Variants in LMBR1 observed in about 807,000 individuals in gnomAD.
LMBR1 encodes limb region 1 protein homolog.
A neutral mutation model predicts 73.9 loss-of-function variants in LMBR1; 52 were observed. That is an observed-to-expected ratio of 0.70 (90% CI 0.56 to 0.89). The LOEUF is 0.89. Among genes scored for constraint, LMBR1 ranks in the 40% least tolerant of loss-of-function variants. The pLI, the probability that LMBR1 is intolerant of heterozygous loss-of-function variation, is 0.00. For missense variants in LMBR1, 539 were observed against 579.8 expected (o/e 0.93, Z 0.72); for synonymous variants, 215 against 209.4 (o/e 1.03, Z -0.23).
intron 15 of LMBR1, among the ~76,000 whole-genome samples, chr7:156,690,526 C>T (rs1042622749): frequency 1.7e-4 from 26 of 152,118 alleles, no homozygotes; most frequent in Non-Finnish European, 4.4e-5. Flanking sequence ...TTTTGCAAAA[C>T]GGGAAAGTGC....
At chr7:156,868,768 C>A (rs1798845650) in intron 1 of LMBR1, among the ~76,000 whole-genome samples, 1 of 151,986 alleles carries the variant, frequency 6.6e-6, no homozygotes, top group Non-Finnish European at 1.5e-5. Context: ...GAGTTCAAGA[C>A]CAGCCTGGGC....
intron 1 of LMBR1, among the ~76,000 whole-genome samples, chr7:156,856,868 A>C (rs1311501691): frequency 1.3e-5 from 2 of 152,224 alleles, no homozygotes; most frequent in African/African-American, 2.4e-5. Flanking sequence ...AGTGAAATGA[A>C]TGACAGCAAG....
intron 1 of LMBR1, among the ~76,000 whole-genome samples, chr7:156,888,195 G>A (rs1802253314): frequency 6.6e-6 from 1 of 152,026 alleles, no homozygotes; most frequent in Non-Finnish European, 1.5e-5. Context: ...CGAATCACGA[G>A]GTCAGGAGAT....
chr7:156,762,179 A>C lies in LMBR1; in HGVS notation c.639T>G (p.Leu213=), dbSNP rs745945170. 1.2e-4 allele frequency: 186 copies of C among 1,611,212 alleles called. 2 individuals carry two copies. Among genetic ancestry groups the C allele is most frequent in the Non-Finnish European group, 8.0e-5 (94 of 1,177,598 alleles). The part of the protein sequence containing the change: ...LLLLLCTPVG[L]SRMFTVMGQL... ...GACCCATCACTGTGAACATACGAGAAAGGCCAACTGGTGTACACACTGCAG... is the reference window on the plus strand; with the variant it reads ...GACCCATCACTGTGAACATACGAGACAGGCCAACTGGTGTACACACTGCAG... Residue 213 remains leucine (L), a synonymous_variant, in exon 8 of 17, where the codon CTT becomes CTG. Transcript: ENST00000353442.
intron 15 of LMBR1, among the ~76,000 whole-genome samples, chr7:156,721,154 T>A (rs756346035): frequency 4.6e-5 from 7 of 152,088 alleles, no homozygotes; most frequent in Admixed American, 2.0e-4. Context: ...ACAAATTGTA[T>A]TTGGACACTA....
chr7:156,727,707 G>A (rs1336244752), intron 12 of LMBR1, among the ~76,000 whole-genome samples: 1 of 151,800 alleles, frequency 6.6e-6, no homozygotes, highest in Non-Finnish European at 1.5e-5. Flanking sequence ...AATCTAAAAG[G>A]AAATTCCAAC....
chr7:156,692,856 G>A (rs1053147443), intron 15 of LMBR1, among the ~76,000 whole-genome samples: 6 of 152,242 alleles, frequency 3.9e-5, no homozygotes, highest in Middle Eastern at 3.4e-3. Flanking sequence ...ACATTAAAAC[G>A]GTTATTTTAA....
intron 1 of LMBR1, among the ~76,000 whole-genome samples, chr7:156,880,659 AT>A (rs149473282): frequency 6.6e-6 from 1 of 151,240 alleles, no homozygotes; most frequent in Non-Finnish European, 1.5e-5. Context: ...TCCCAATGGT[AT>A]TTTTTTTTCT....
At chr7:156,766,560 C>A (rs561454828) in intron 5 of LMBR1, among the ~76,000 whole-genome samples, 2 of 152,190 alleles carry the variant, frequency 1.3e-5, no homozygotes, top group South Asian at 2.1e-4. Context: ...CAGTTCTTGA[C>A]GGTTTTTGGC....
At chr7:156,717,571 C>T (rs1285654888) in intron 15 of LMBR1, among the ~76,000 whole-genome samples, 1 of 152,104 alleles carries the variant, frequency 6.6e-6, no homozygotes, top group Non-Finnish European at 1.5e-5. Flanking sequence ...AAACAGTAAA[C>T]ACCACAGAGA....
At chr7:156,868,383 T>C (rs1341155317) in intron 1 of LMBR1, among the ~76,000 whole-genome samples, 1 of 151,910 alleles carries the variant, frequency 6.6e-6, no homozygotes, top group African/African-American at 2.4e-5. Flanking sequence ...TTCTAAAGAC[T>C]TGAAGTGGCA....
rs553838889 is a variant in LMBR1, at chr7:156,694,388, C to T, written c.1226-6197G>A. Among the ~76,000 whole-genome samples the T allele has an allele frequency of 6.0e-5, 9 of 150,858 alleles. No homozygotes were observed. The South Asian group carries it at 1.9e-3, about 32-fold the overall frequency. On this transcript the variant is annotated intron_variant, in intron 15 of 16. Coordinates refer to ENST00000353442, the MANE Select transcript of LMBR1 (RefSeq NM_022458.4). ...ACTCAAGCTATCCACCCACCTTGAC[C>T]TCCCAAAGTGCTGGGATTACATGCA... is the stretch of plus-strand genomic sequence containing the variant.
At position 156,808,959 on chromosome 7, in the gene LMBR1, G is replaced by A. The variant is rs143500060; in HGVS notation, c.320-12467C>T. Among the ~76,000 whole-genome samples the A allele has an allele frequency of 1.1e-4, 16 of 152,164 alleles. No homozygotes were observed. The East Asian group carries it at 1.9e-3, about 18-fold the overall frequency. On this transcript the variant is annotated intron_variant, in intron 4 of 16. Coordinates refer to ENST00000353442, the MANE Select transcript of LMBR1 (RefSeq NM_022458.4). ...CGTGGCTTTCCTCCTGTGTGTTATC[G>A]TTGTCATATAACTTACTTGTACATC...
At chr7:156,724,032 G>T in intron 15 of LMBR1, 80 bp downstream of exon 15, 1 of 953,414 alleles carries the variant, frequency 1.0e-6, no homozygotes. Context: ...TAATCTTTAT[G>T]AGTAAATGTT....
chr7:156,856,976 T>C (rs192873240), intron 1 of LMBR1, among the ~76,000 whole-genome samples: 3 of 151,884 alleles, frequency 2.0e-5, no homozygotes, highest in African/African-American at 4.8e-5. Context: ...CAAATGTAAA[T>C]TGCAAACTCA....
At chr7:156,839,164 C>T (rs1838206168) in intron 1 of LMBR1, among the ~76,000 whole-genome samples, 1 of 151,094 alleles carries the variant, frequency 6.6e-6, no homozygotes. Context: ...ATTCTCCTGC[C>T]TCAGCCTCCC....
At chr7:156,884,082 G>A (rs1460576522) in intron 1 of LMBR1, among the ~76,000 whole-genome samples, 2 of 152,152 alleles carry the variant, frequency 1.3e-5, no homozygotes, top group Admixed American at 6.5e-5. Flanking sequence ...GCTCTTCTAT[G>A]TTAGAAAATC....
intron 1 of LMBR1, among the ~76,000 whole-genome samples, chr7:156,868,118 G>A (rs959535369): frequency 2.6e-5 from 4 of 151,230 alleles, no homozygotes; most frequent in Non-Finnish European, 5.9e-5. Context: ...AATGAAAAAG[G>A]GAAAAAAGAC....
At chr7:156,712,884 G>A (rs1812372917) in intron 15 of LMBR1, among the ~76,000 whole-genome samples, 2 of 152,156 alleles carry the variant, frequency 1.3e-5, no homozygotes, top group Admixed American at 6.5e-5. Context: ...GAGGCTGGAC[G>A]ATGAGAAATT....
Sources: gnomAD v4.1 joint callset for allele counts (sites outside exome capture counted in the v4.1 genomes callset) on GRCh38, gnomAD v4.1.1 for gene constraint, MANE v1.5 for transcripts, NCBI Gene and HGNC (gene_info 2026-07-23, HGNC 2026-07-21) for gene names.